MAP3K1: variants seen among roughly 807,000 people sequenced by gnomAD.
MAP3K1 encodes the protein MAP/ERK kinase kinase 1.
Under a neutral mutation model 144.2 loss-of-function variants are expected in MAP3K1, and 36 were observed. That is an observed-to-expected ratio of 0.25 (90% confidence interval 0.19 to 0.33). MAP3K1 has a LOEUF of 0.33. Among genes scored for constraint, MAP3K1 ranks in the 10% least tolerant of loss-of-function variants. MAP3K1 has a pLI of 1.00. For synonymous variants in MAP3K1, 718 were observed against 688.7 expected, an observed-to-expected ratio of 1.04 and a Z score of -0.67; for missense variants, 1,650 against 1,881.9, an observed-to-expected ratio of 0.88 and a Z score of 2.28.
At chr5:56,875,678 T>G (rs1297241806) in intron 10 of MAP3K1, among the ~76,000 whole-genome samples, 5 of 152,032 alleles carry the variant, frequency 3.3e-5, no homozygotes, top group Admixed American at 3.3e-4. Flanking sequence ...AACCATGGCT[T>G]CAGGCTGCTA....
chr5:56,842,564 G>A (rs918199983), intron 1 of MAP3K1, among the ~76,000 whole-genome samples: 30 of 152,076 alleles, frequency 2.0e-4, no homozygotes, highest in African/African-American at 6.3e-4. Flanking sequence ...GTTTATTGTG[G>A]GCTACCATGC....
At chr5:56,870,662 C>T (rs1747824110) in intron 6 of MAP3K1, among the ~76,000 whole-genome samples, 1 of 152,034 alleles carries the variant, frequency 6.6e-6, no homozygotes, top group African/African-American at 2.4e-5. Flanking sequence ...TTTTCTTTTA[C>T]TTTTACTTTA....
chr5:56,833,165 C>G (rs944044070), intron 1 of MAP3K1, among the ~76,000 whole-genome samples: 2 of 152,230 alleles, frequency 1.3e-5, no homozygotes, highest in African/African-American at 4.8e-5. Flanking sequence ...CCACCATGCT[C>G]TGCCATGATT....
At chr5:56,829,492 T>A (rs1355965849) in intron 1 of MAP3K1, among the ~76,000 whole-genome samples, 1 of 152,038 alleles carries the variant, frequency 6.6e-6, no homozygotes, top group Non-Finnish European at 1.5e-5. Context: ...CGAGCCCGCA[T>A]TGCTGTTTTT....
At chr5:56,874,701 G>GT (rs1181849071) in intron 9 of MAP3K1, among the ~76,000 whole-genome samples, 2 of 151,958 alleles carry the variant, frequency 1.3e-5, no homozygotes, top group Non-Finnish European at 2.9e-5. Context: ...CAGAGTTGAG[G>GT]TTTTCACAGT....
rs533047395 is a variant in MAP3K1, at chr5:56,892,985, A to G, written c.4390-546A>G. On this transcript the variant is annotated intron_variant, in intron 19 of 19. Transcript: ENST00000399503. Reference sequence around the variant, plus strand: ...AAAATTTCTTTTTTTTTAAAAAAAAAGTATTCAGACTTACAATTTGTTTAT... The same window carrying G: ...AAAATTTCTTTTTTTTTAAAAAAAAGGTATTCAGACTTACAATTTGTTTAT... 3.3e-5 allele frequency among the ~76,000 whole-genome samples: 5 copies of G among 151,084 alleles called. No homozygotes were observed. The East Asian group carries it at 7.8e-4, about 24-fold the overall frequency.
intron 1 of MAP3K1, among the ~76,000 whole-genome samples, chr5:56,829,348 A>AT (rs1177246947): frequency 7.0e-4 from 77 of 109,952 alleles, no homozygotes; most frequent in Admixed American, 1.1e-3. Context: ...GTGCCCGGCA[A>AT]ATTTTTTTTT....
At chr5:56,864,663 A>G (rs1009695326) in intron 3 of MAP3K1, 71 bp from the exon 4 acceptor site, 1 of 1,549,234 alleles carries the variant, frequency 6.5e-7, no homozygotes, top group African/African-American at 1.4e-5. Context: ...GTGAGCCACC[A>G]TGCCTGACCG....
In MAP3K1 at chr5:56,862,006, T is replaced by A. The variant is rs946713198; in HGVS notation, c.834+2091T>A. On this transcript the variant is annotated intron_variant, in intron 3 of 19. Coordinates refer to ENST00000399503, the MANE Select transcript of MAP3K1 (RefSeq NM_005921.2). ...TGCCCAACAGTAGTTGTTGGCTCTA[T>A]GTTAAAATACCTTTAAATTAACTAT... is the stretch of plus-strand genomic sequence containing the variant. The A allele has an allele frequency of 4.6e-5, 7 of 152,322 alleles. No individual in the cohort carries two copies. The East Asian group carries it at 1.3e-3, about 29-fold the overall frequency. The allele number at this position is 152,322 out of a possible 1,614,324, so 9.4% of individuals were successfully genotyped here.
At chr5:56,869,415 T>G (rs941536547) in intron 6 of MAP3K1, among the ~76,000 whole-genome samples, 1 of 152,182 alleles carries the variant, frequency 6.6e-6, no homozygotes. Context: ...GTGAAGGCAT[T>G]TAATACCACT....
intron 19 of MAP3K1, among the ~76,000 whole-genome samples, chr5:56,889,629 G>A (rs985300360): frequency 2.0e-5 from 3 of 152,092 alleles, no homozygotes; most frequent in African/African-American, 7.2e-5. Context: ...TGAAATCATG[G>A]GCTTTGGAGT....
chr5:56,843,068 G>A (rs992539271), intron 1 of MAP3K1, among the ~76,000 whole-genome samples: 1 of 152,168 alleles, frequency 6.6e-6, no homozygotes, highest in Non-Finnish European at 1.5e-5. Context: ...TGTTGTAGAT[G>A]CAACACGTTT....
intron 1 of MAP3K1, among the ~76,000 whole-genome samples, chr5:56,823,967 ATTAT>A (rs1305519307): frequency 1.6e-4 from 25 of 152,310 alleles, no homozygotes; most frequent in Non-Finnish European, 3.4e-4. Flanking sequence ...CATTAATATA[ATTAT>A]TCTTATTTTT....
chr5:56,851,724 C>A (rs1747179331), intron 1 of MAP3K1, among the ~76,000 whole-genome samples: 1 of 152,188 alleles, frequency 6.6e-6, no homozygotes, highest in Admixed American at 6.5e-5. Context: ...TACAGAAGGT[C>A]ATTGGACCAA....
chr5:56,861,948 TTTAAAGCAAAA>T, intron 3 of MAP3K1: 1 of 152,306 alleles, frequency 6.6e-6, no homozygotes, highest in East Asian at 1.9e-4. Context: ...AAAAAGTACA[TTTAAAGCAAAA>T]ACATTTTACA....
At chr5:56,856,566 T>C in intron 1 of MAP3K1, 34 bp from the exon 2 acceptor site, 1 of 1,564,436 alleles carries the variant, frequency 6.4e-7, no homozygotes, top group Non-Finnish European at 8.8e-7. Flanking sequence ...CATATATACA[T>C]TTCTCATTTT....
In MAP3K1 at chr5:56,815,684, C is replaced by G; in HGVS notation, c.111C>G (p.Pro37=). ...GGGALKASSA[P]AAAAGLLREA... ...GAGCCCTCAAGGCGAGCAGCGCGCC[C>G]GCGGCTGCCGCGGGACTGCTGCGGG... The change falls in exon 1 of 20, where the codon CCC becomes CCG. Residue 37 remains proline, a synonymous_variant. Transcript: ENST00000399503. 7.7e-7 allele frequency: 1 copy of G among 1,301,120 alleles called. No individual in the cohort carries two copies. Among genetic ancestry groups the G allele is most frequent in the Non-Finnish European group, 9.7e-7 (1 of 1,029,304 alleles). The allele number at this position is 1,301,120 out of a possible 1,614,324, so 80.6% of individuals were successfully genotyped here. A position where few individuals can be genotyped will look rare whatever the true frequency, so the allele number is the denominator to read the frequency against.
At chr5:56,857,022 A>G (rs1287841204) in intron 2 of MAP3K1, among the ~76,000 whole-genome samples, 1 of 152,152 alleles carries the variant, frequency 6.6e-6, no homozygotes, top group Admixed American at 6.5e-5. Context: ...AAATCCTTTC[A>G]TTGGAGTTTT....
In MAP3K1 at chr5:56,882,662, T is replaced by G. The variant is rs1007131008; in HGVS notation, c.3462T>G (p.Ala1154=). ...DTTVTFKSEV[A]VLSPEKAEND... is the part of the protein sequence containing the mutation. ...CAGTAACTTTTAAGTCAGAAGTTGCTGTCCTGTCTCCTGAAAAGGCTGAAA... is the reference window on the plus strand; with the variant it reads ...CAGTAACTTTTAAGTCAGAAGTTGCGGTCCTGTCTCCTGAAAAGGCTGAAA... The change falls in exon 14 of 20, where the codon GCT becomes GCG. Residue 1154 remains alanine, a synonymous_variant. Coordinates refer to ENST00000399503, the MANE Select transcript of MAP3K1 (RefSeq NM_005921.2). The G allele has an allele frequency of 5.0e-6, 8 of 1,614,148 alleles. No individual in the cohort carries two copies. The highest frequency in any genetic ancestry group is 5.9e-6 in the Non-Finnish European group (7 of 1,180,018).
Sources: allele counts gnomAD v4.1 joint callset (sites outside exome capture counted in the v4.1 genomes callset), GRCh38; gene constraint gnomAD v4.1.1; transcripts MANE v1.5; gene names NCBI Gene and HGNC (gene_info 2026-07-23, HGNC 2026-07-21).